Variants in EPHA6 observed in about 807,000 individuals in gnomAD.
EPHA6 encodes ephrin type-A receptor 6.
EPHA6 carries 50 observed loss-of-function variants against 112.0 expected under a neutral mutation model. The observed-to-expected ratio is 0.45, with a 90% CI of 0.36 to 0.56. EPHA6 has a LOEUF of 0.56. Ranked by LOEUF, EPHA6 falls within the 20% of genes least tolerant of loss-of-function variation. The probability of loss-of-function intolerance (pLI) is 0.00; values close to 1 mark genes in which losing one functional copy is unlikely to be tolerated. For synonymous variants in EPHA6, 529 were observed against 490.7 expected (o/e 1.08, Z -1.03); for missense variants, 1,280 against 1,417.4 (o/e 0.90, Z 1.56).
At chr3:97,304,289 G>A (rs1435909967) in intron 5 of EPHA6, among the ~76,000 whole-genome samples, 2 of 151,856 alleles carry the variant, frequency 1.3e-5, no homozygotes, top group Non-Finnish European at 2.9e-5. Context: ...TATTGAATAA[G>A]AGTAGTGAGA....
intron 10 of EPHA6, among the ~76,000 whole-genome samples, chr3:97,509,106 T>C (rs1015344259): frequency 6.9e-6 from 1 of 145,594 alleles, no homozygotes; most frequent in African/African-American, 2.5e-5. Flanking sequence ...GTCTCCTGAA[T>C]ACAGCACACT....
chr3:97,672,892 G>A (rs1161421053), intron 14 of EPHA6, among the ~76,000 whole-genome samples: 2 of 152,050 alleles, frequency 1.3e-5, no homozygotes, highest in African/African-American at 4.8e-5. Flanking sequence ...TTTTCATATT[G>A]AAATCTCAGT....
At chr3:97,383,863 T>C (rs1365841933) in intron 5 of EPHA6, among the ~76,000 whole-genome samples, 1 of 152,156 alleles carries the variant, frequency 6.6e-6, no homozygotes, top group Non-Finnish European at 1.5e-5. Flanking sequence ...CCTTTACTTG[T>C]ATAACATTTA....
chr3:97,390,061 T>A (rs549592368), intron 5 of EPHA6, among the ~76,000 whole-genome samples: 1 of 152,272 alleles, frequency 6.6e-6, no homozygotes, highest in South Asian at 2.1e-4. Flanking sequence ...TTTACTCTGC[T>A]ATTTGATCAA....
chr3:97,399,700 T>C (rs1010228930), intron 5 of EPHA6, among the ~76,000 whole-genome samples: 1 of 151,846 alleles, frequency 6.6e-6, no homozygotes, highest in African/African-American at 2.4e-5. Flanking sequence ...ATGAGCATTT[T>C]TTATATATCT....
chr3:97,527,550 C>G (rs2092638508), intron 10 of EPHA6, among the ~76,000 whole-genome samples: 1 of 152,028 alleles, frequency 6.6e-6, no homozygotes, highest in Admixed American at 6.6e-5. Flanking sequence ...CAAGAGATAC[C>G]TATGGAGACA....
chr3:96,954,814 T>C (rs2041694009), intron 2 of EPHA6, among the ~76,000 whole-genome samples: 1 of 121,440 alleles, frequency 8.2e-6, no homozygotes, highest in Admixed American at 9.9e-5. Context: ...TGAGACGGAG[T>C]CTCGCTCTGT....
At position 97,526,964 on chromosome 3, in the gene EPHA6, G is replaced by A. The variant is rs566042278; in HGVS notation, c.2201-5394G>A. 3.3e-5 allele frequency among the ~76,000 whole-genome samples: 5 copies of A among 152,244 alleles called. No homozygotes were observed. The East Asian group carries it at 9.7e-4, about 29-fold the overall frequency. Reference sequence around the variant, plus strand: ...TAGGGCCCCTTCATGATCTGCTGTGGGACAGAGGCTGCAAGTCTGTCCTGG... The same window carrying A: ...TAGGGCCCCTTCATGATCTGCTGTGAGACAGAGGCTGCAAGTCTGTCCTGG... On this transcript the variant is annotated intron_variant, in intron 10 of 17. Transcript: ENST00000389672.
At chr3:96,934,136 T>G (rs2040467346) in intron 2 of EPHA6, among the ~76,000 whole-genome samples, 2 of 151,992 alleles carry the variant, frequency 1.3e-5, no homozygotes, top group Admixed American at 1.3e-4. Context: ...ATGGGTTCTA[T>G]TCACAGGGGC....
chr3:96,857,521 C>A (rs1044877802), intron 1 of EPHA6, among the ~76,000 whole-genome samples: 5 of 151,188 alleles, frequency 3.3e-5, no homozygotes, highest in Non-Finnish European at 7.4e-5. Flanking sequence ...TTTGGCATCA[C>A]ATTCACTGTG....
chr3:96,995,268 T>G (rs1042008614), intron 3 of EPHA6, among the ~76,000 whole-genome samples: 1 of 152,062 alleles, frequency 6.6e-6, no homozygotes, highest in Non-Finnish European at 1.5e-5. Context: ...ATACCAGGAT[T>G]TGCTGGCATT....
intron 3 of EPHA6, among the ~76,000 whole-genome samples, chr3:97,112,846 ATTG>A (rs1484305190): frequency 2.0e-5 from 3 of 152,106 alleles, no homozygotes; most frequent in Non-Finnish European, 4.4e-5. Flanking sequence ...CACCTAAATC[ATTG>A]TTATTACCAG....
intron 2 of EPHA6, among the ~76,000 whole-genome samples, chr3:96,869,222 G>C (rs1183835272): frequency 6.6e-6 from 1 of 151,802 alleles, no homozygotes; most frequent in African/African-American, 2.4e-5. Flanking sequence ...ACCCTCAAGG[G>C]GTATTGAAGC....
chr3:97,454,214 T>C (rs987841818), intron 7 of EPHA6, among the ~76,000 whole-genome samples: 4 of 151,802 alleles, frequency 2.6e-5, no homozygotes, highest in South Asian at 2.1e-4. Context: ...CACTTCTTCC[T>C]TGGAATTTCT....
At chr3:97,708,619 G>A (rs1032567834) in intron 14 of EPHA6, among the ~76,000 whole-genome samples, 44 of 152,300 alleles carry the variant, frequency 2.9e-4, no homozygotes, top group African/African-American at 1.0e-3. Context: ...AATGTTAATC[G>A]CCAAGACAAT....
intron 10 of EPHA6, among the ~76,000 whole-genome samples, chr3:97,521,544 G>T (rs1239263449): frequency 6.6e-6 from 1 of 152,110 alleles, no homozygotes; most frequent in Admixed American, 6.5e-5. Flanking sequence ...AAAACCATCA[G>T]ATCTCATGAG....
chr3:97,482,410 C>T (rs1175363829), intron 9 of EPHA6, among the ~76,000 whole-genome samples: 1 of 152,124 alleles, frequency 6.6e-6, no homozygotes, highest in Admixed American at 6.5e-5. Flanking sequence ...AATAGAGGTA[C>T]AAACTATCTG....
chr3:97,350,879 A>C (rs1347926031), intron 5 of EPHA6, among the ~76,000 whole-genome samples: 1 of 152,160 alleles, frequency 6.6e-6, no homozygotes, highest in African/African-American at 2.4e-5. Flanking sequence ...AATTAGGCAA[A>C]GTTAACAATA....
intron 3 of EPHA6, among the ~76,000 whole-genome samples, chr3:97,170,155 A>G (rs1366193605): frequency 6.6e-6 from 1 of 152,026 alleles, no homozygotes; most frequent in Non-Finnish European, 1.5e-5. Flanking sequence ...GAAGGAAACA[A>G]TCACTGCTCT....
Sources: allele counts gnomAD v4.1 joint callset (sites outside exome capture counted in the v4.1 genomes callset), GRCh38; gene constraint gnomAD v4.1.1; transcripts MANE v1.5; gene names NCBI Gene and HGNC (gene_info 2026-07-23, HGNC 2026-07-21).